KIR2DL1: variants seen among roughly 807,000 people sequenced by gnomAD.
KIR2DL1 encodes the protein killer cell immunoglobulin like receptor, two Ig domains and long cytoplasmic tail 1.
KIR2DL1 carries 38 observed loss-of-function variants against 33.9 expected under a neutral mutation model. The observed-to-expected ratio is 1.12, with a 90% CI of 0.86 to 1.47. The LOEUF (loss-of-function observed/expected upper bound fraction) is 1.47. KIR2DL1 is among the 40% of genes most tolerant of loss of function. The pLI is 0.00. For missense variants in KIR2DL1, 531 were observed against 433.9 expected, an observed-to-expected ratio of 1.22 and a Z score of -1.99; for synonymous variants, 179 against 165.9, an observed-to-expected ratio of 1.08 and a Z score of -0.61.
rs1270934305 is a variant in KIR2DL1, at chr19:54,781,327, C to G, written c.716-1595C>G. Among the ~76,000 whole-genome samples the G allele has an allele frequency of 2.3e-3, 342 of 149,648 alleles. 5 individuals are homozygous for G. The highest frequency in any genetic ancestry group is 7.7e-3 in the African/African-American group (315 of 41,040). On this transcript the variant is annotated intron_variant, in intron 5 of 7. Transcript: ENST00000336077. ...AGGCAATGAGCCTAAAACCTCTTCC[C>G]TATTTGGCTTTCTGTGAGCATGAGA... is the stretch of plus-strand genomic sequence containing the variant.
chr19:54,777,540 T>C lies in KIR2DL1; in HGVS notation c.665-1072T>C, dbSNP rs1211219885. 2.0e-5 allele frequency among the ~76,000 whole-genome samples: 3 copies of C among 149,786 alleles called. No individual in the cohort carries two copies. The East Asian group carries it at 5.8e-4, about 29-fold the overall frequency. The stretch of plus-strand genomic sequence containing the variant: ...CAATTAAATCATTTGTTTTATTGAG[T>C]TGTTTGAGCTTCTTATATTTCTAGT... On this transcript the variant is annotated intron_variant, in intron 4 of 7. Transcript: ENST00000336077.
At chr19:54,776,206 A>G (rs2076315220) in intron 4 of KIR2DL1, among the ~76,000 whole-genome samples, 2 of 145,830 alleles carry the variant, frequency 1.4e-5, no homozygotes, top group South Asian at 4.3e-4. Flanking sequence ...ACCATTTTTA[A>G]GTGTAAAGTC....
At chr19:54,778,019 G>T (rs1412625399) in intron 4 of KIR2DL1, among the ~76,000 whole-genome samples, 1 of 148,498 alleles carries the variant, frequency 6.7e-6, no homozygotes. Flanking sequence ...TCAGCACTTT[G>T]GGAGCCCGAG....
Position 54,781,343 on chromosome 19 carries a change from G to A in KIR2DL1, c.716-1579G>A, listed in dbSNP as rs1316657544. On this transcript the variant is annotated intron_variant, in intron 5 of 7. Transcript: ENST00000336077. Reference sequence around the variant, plus strand: ...ACCTCTTCCCTATTTGGCTTTCTGTGAGCATGAGATCATATAGAAAATGTG... The same window carrying A: ...ACCTCTTCCCTATTTGGCTTTCTGTAAGCATGAGATCATATAGAAAATGTG... 1.7e-4 allele frequency among the ~76,000 whole-genome samples: 26 copies of A among 149,674 alleles called. No homozygotes were observed. The East Asian group carries it at 3.1e-3, about 18-fold the overall frequency.
At position 54,773,538 on chromosome 19, in the gene KIR2DL1, A is replaced by G. The variant is rs1268881031; in HGVS notation, c.276A>G (p.Gln92=). The G allele has an allele frequency of 1.3e-6, 2 of 1,583,358 alleles. No individual in the cohort carries two copies. The highest frequency in any genetic ancestry group is 3.4e-5 in the Admixed American group (2 of 58,894). The part of the protein sequence containing the change: ...KANFSISRMT[Q]DLAGTYRCYG... ...ACTTCTCCATCAGTCGCATGACGCA[A>G]GACCTGGCAGGGACCTACAGATGCT... is the stretch of plus-strand genomic sequence containing the variant. The change falls in exon 3 of 8, where the codon CAA becomes CAG. Residue 92 remains glutamine, a synonymous_variant. Coordinates refer to ENST00000336077, the MANE Select transcript of KIR2DL1 (RefSeq NM_014218.3).
Position 54,770,716 on chromosome 19 carries a change from AG to A in KIR2DL1, c.35-131del. On this transcript the variant is annotated intron_variant, in intron 1 of 7. Coordinates refer to ENST00000336077, the MANE Select transcript of KIR2DL1 (RefSeq NM_014218.3). ...AGCCGACAGCCCTGTTCTTGGGTGC[AG>A]GTAGGCACTGAGGGTGAGTTTACCT... 3.1e-6 allele frequency: 4 copies of A among 1,290,510 alleles called. No homozygotes were observed. The South Asian group carries it at 4.7e-5, about 15-fold the overall frequency. 79.9% of individuals were successfully genotyped at this position (1,290,510 alleles called of 1,614,324 possible).
In KIR2DL1 at chr19:54,773,531, T is replaced by A. The variant is rs779732339; in HGVS notation, c.269T>A (p.Met90Lys). ...VSKANFSISR[M>K]TQDLAGTYRC... ...AAGGCCAACTTCTCCATCAGTCGCATGACGCAAGACCTGGCAGGGACCTAC... is the reference window on the plus strand; with the variant it reads ...AAGGCCAACTTCTCCATCAGTCGCAAGACGCAAGACCTGGCAGGGACCTAC... Residue 90 changes from methionine (M) to lysine (K), a missense_variant, in exon 3 of 8, where the codon ATG (methionine) becomes AAG (lysine). Met to Lys is a moderately conservative substitution (Grantham distance 95, BLOSUM62 -1). Transcript: ENST00000336077. The A allele has an allele frequency of 1.3e-6, 2 of 1,583,998 alleles. No individual in the cohort carries two copies. Among genetic ancestry groups the A allele is most frequent in the South Asian group, 1.1e-5 (1 of 90,250 alleles).
At chr19:54,776,040 C>A (rs1267005791) in intron 4 of KIR2DL1, among the ~76,000 whole-genome samples, 1 of 145,778 alleles carries the variant, frequency 6.9e-6, no homozygotes. Flanking sequence ...TACAGGCACG[C>A]ACCACCACGC....
chr19:54,775,047 TGAGAGA>T, intron 3 of KIR2DL1, 112 bp from the exon 4 acceptor site: 21 of 1,167,606 alleles, frequency 1.8e-5, no homozygotes, highest in African/African-American at 6.5e-5. Flanking sequence ...GGGTAGAGGG[TGAGAGA>T]GAGAGAGAGA....
chr19:54,772,637 C>T lies in KIR2DL1; in HGVS notation c.71-696C>T, dbSNP rs1201024978. ...AGGAGAATCACTTGAACCCAGGAGACAGAGGTTGCAGTGAGCCTAGACCAC... is the reference window on the plus strand; with the variant it reads ...AGGAGAATCACTTGAACCCAGGAGATAGAGGTTGCAGTGAGCCTAGACCAC... On this transcript the variant is annotated intron_variant, in intron 2 of 7. Coordinates refer to ENST00000336077, the MANE Select transcript of KIR2DL1 (RefSeq NM_014218.3). Among the ~76,000 whole-genome samples, 2 of 145,366 alleles carry T rather than the reference C, an allele frequency of 1.4e-5. 1 individual carries two copies.
At chr19:54,783,087 T>C in intron 6 of KIR2DL1, 64 bp downstream of exon 6, 1 of 1,519,242 alleles carries the variant, frequency 6.6e-7, no homozygotes, top group Non-Finnish European at 9.1e-7. Context: ...ATGGGAGCAC[T>C]CAGGTGTGTG....
In KIR2DL1 at chr19:54,783,734, A is replaced by C. The variant is rs755655040; in HGVS notation, c.968A>C (p.Lys323Thr). 2 of 1,614,032 alleles carry C rather than the reference A, an allele frequency of 1.2e-6. No individual in the cohort carries two copies. The highest frequency in any genetic ancestry group is 3.3e-5 in the Admixed American group (2 of 60,022). Residue 323 changes from lysine (K) to threonine (T), a missense_variant, in exon 8 of 8, where the codon AAG becomes ACG. Lys to Thr is a moderately conservative substitution (Grantham distance 78, BLOSUM62 -1). Transcript: ENST00000336077. ...ATCACTCGCCCTTCTCAGAGGCCCA[A>C]GACACCCCCAACAGATATCATCGTG... The part of the protein sequence containing the change: ...RKITRPSQRP[K>T]TPPTDIIVYT...
At chr19:54,776,653 T>A (rs1040658471) in intron 4 of KIR2DL1, among the ~76,000 whole-genome samples, 4 of 145,362 alleles carry the variant, frequency 2.8e-5, no homozygotes, top group African/African-American at 1.0e-4. Context: ...TTTTTTTTCT[T>A]TTTTGAGAAA....
intron 5 of KIR2DL1, among the ~76,000 whole-genome samples, 186 bp downstream of exon 5, chr19:54,778,848 A>C (rs1252311808): frequency 6.7e-6 from 1 of 148,464 alleles, no homozygotes. Context: ...AAATCTCTTC[A>C]TCTCTCATTT....
chr19:54,780,103 C>A (rs1344883179), intron 5 of KIR2DL1: 14 of 523,086 alleles, frequency 2.7e-5, no homozygotes, highest in South Asian at 7.0e-5. Context: ...GATGTTTCAC[C>A]ACGTTGGCCA....
chr19:54,779,549 T>C (rs1471160580), intron 5 of KIR2DL1, among the ~76,000 whole-genome samples: 3 of 146,334 alleles, frequency 2.1e-5, no homozygotes, highest in Admixed American at 7.0e-5. Context: ...AACTTGGGGA[T>C]TCTATTGGGT....
rs1232166356 is a variant in KIR2DL1 at position 54,783,860 on chromosome 19, C to T, written c.*47C>T. 1.2e-6 allele frequency: 2 copies of T among 1,613,328 alleles called. No homozygotes were observed. The highest frequency in any genetic ancestry group is 1.7e-6 in the Non-Finnish European group (2 of 1,179,546). ...GGCGTCTTCTAGGGAGACAACAGCC[C>T]TGTCTCAAAACCGGGTTGCCAGCTC... On this transcript the variant is annotated 3_prime_UTR_variant, in exon 8 of 8. Coordinates refer to ENST00000336077, the MANE Select transcript of KIR2DL1 (RefSeq NM_014218.3).
chr19:54,779,176 G>A (rs2076691109), intron 5 of KIR2DL1, among the ~76,000 whole-genome samples: 2 of 148,118 alleles, frequency 1.4e-5, no homozygotes, highest in South Asian at 2.1e-4. Context: ...CCCATGCTCA[G>A]GCTGTGCAGT....
At chr19:54,780,163 C>T (rs1258205481) in intron 5 of KIR2DL1, 231 of 494,712 alleles carry the variant, frequency 4.7e-4, no homozygotes, top group African/African-American at 1.3e-3. Flanking sequence ...CTCAGCATGC[C>T]AAAGTAATGG....
Sources: allele counts gnomAD v4.1 joint callset (sites outside exome capture counted in the v4.1 genomes callset), GRCh38; gene constraint gnomAD v4.1.1; transcripts MANE v1.5; gene names NCBI Gene and HGNC (gene_info 2026-07-23, HGNC 2026-07-21).